FTCDNL1: variants seen among roughly 807,000 people sequenced by gnomAD.
FTCDNL1 encodes the protein formiminotransferase cyclodeaminase N-terminal like.
FTCDNL1 carries 11 observed loss-of-function variants against 5.9 expected under a neutral mutation model. The observed-to-expected ratio is 1.87, with a 90% CI of 1.18 to 3.10. The LOEUF (loss-of-function observed/expected upper bound fraction) is 3.10, where lower values mean the gene tolerates loss of function less well. FTCDNL1 is among the 30% of genes most tolerant of loss of function. The pLI is 0.00. For synonymous variants in FTCDNL1, 58 were observed against 24.8 expected (o/e 2.34, Z -3.99); for missense variants, 115 against 65.5 (o/e 1.76, Z -2.61).
chr2:199,678,286 G>A, the FTCDNL1 span, among the ~76,000 whole-genome samples: 1 of 152,128 alleles, frequency 6.6e-6, no homozygotes, highest in Non-Finnish European at 1.5e-5. Flanking sequence ...TATTCATAAT[G>A]AAAGTCCATT....
chr2:199,666,673 T>C, the FTCDNL1 span, among the ~76,000 whole-genome samples: 3 of 152,060 alleles, frequency 2.0e-5, no homozygotes, highest in Admixed American at 6.6e-5. Context: ...TCCCAGCACT[T>C]TGGGAGGCCG....
chr2:199,771,963 A>T (rs886599796), intron 3 of FTCDNL1, among the ~76,000 whole-genome samples: 1 of 152,250 alleles, frequency 6.6e-6, no homozygotes, highest in Non-Finnish European at 1.5e-5. Context: ...TATAAATTAG[A>T]TACAGTGAGA....
intron 3 of FTCDNL1, among the ~76,000 whole-genome samples, chr2:199,823,038 ATGGGTTTCACTATGT>A (rs1167254658): frequency 6.6e-6 from 1 of 152,010 alleles, no homozygotes; most frequent in Non-Finnish European, 1.5e-5. Flanking sequence ...TTTAGCAGAG[ATGGGTTTCACTATGT>A]TGGCCAGGTT....
At chr2:199,675,799 A>T in the FTCDNL1 span, among the ~76,000 whole-genome samples, 1 of 152,156 alleles carries the variant, frequency 6.6e-6, no homozygotes, top group Non-Finnish European at 1.5e-5. Flanking sequence ...TTTATTGTCC[A>T]TGCTAGAGTA....
At chr2:199,686,960 T>C in the FTCDNL1 span, among the ~76,000 whole-genome samples, 1 of 152,214 alleles carries the variant, frequency 6.6e-6, no homozygotes, top group African/African-American at 2.4e-5. Context: ...TCAGTGGATT[T>C]ACCTCTAAGT....
chr2:199,758,963 G>A (rs1206715853), downstream of FTCDNL1, among the ~76,000 whole-genome samples: 2 of 152,122 alleles, frequency 1.3e-5, no homozygotes, highest in Admixed American at 1.3e-4. Flanking sequence ...TAAAAGAATG[G>A]GGTAGATATG....
At chr2:199,735,117 A>AAAAAAAAG in the FTCDNL1 span, among the ~76,000 whole-genome samples, 1 of 112,780 alleles carries the variant, frequency 8.9e-6, no homozygotes, top group African/African-American at 2.8e-5. Flanking sequence ...TACCTTTAGA[A>AAAAAAAAG]AAAAAAAAAA....
At chr2:199,708,592 CTT>C in the FTCDNL1 span, among the ~76,000 whole-genome samples, 1 of 152,064 alleles carries the variant, frequency 6.6e-6, no homozygotes, top group African/African-American at 2.4e-5. Context: ...TGTTCTCAGT[CTT>C]TGTTATGTAG....
chr2:199,805,920 A>G (rs75544476), downstream of FTCDNL1, among the ~76,000 whole-genome samples: 2 of 144,160 alleles, frequency 1.4e-5, no homozygotes, highest in Admixed American at 1.4e-4. Context: ...CCTTGTCTTG[A>G]AAAAAAAAAA....
chr2:199,816,369 T>C (rs1359005556), intron 4 of FTCDNL1, among the ~76,000 whole-genome samples: 2 of 152,162 alleles, frequency 1.3e-5, no homozygotes, highest in East Asian at 3.9e-4. Flanking sequence ...TTTCCCTTCT[T>C]ATCATGAATA....
At chr2:199,796,375 C>T (rs1200894853) in intron 3 of FTCDNL1, among the ~76,000 whole-genome samples, 2 of 152,122 alleles carry the variant, frequency 1.3e-5, no homozygotes, top group African/African-American at 4.8e-5. Context: ...CATCAAAATA[C>T]ACACATCCAA....
the FTCDNL1 span, among the ~76,000 whole-genome samples, chr2:199,724,436 G>A: frequency 6.6e-6 from 1 of 151,982 alleles, no homozygotes. Flanking sequence ...TTTGGGGTCT[G>A]TTTGCTCTTG....
At chr2:199,733,059 G>C in the FTCDNL1 span, among the ~76,000 whole-genome samples, 10 of 152,302 alleles carry the variant, frequency 6.6e-5, no homozygotes, top group South Asian at 8.3e-4. Context: ...CAGCTGACAG[G>C]TACAGACTAT....
chr2:199,680,087 C>T, the FTCDNL1 span, among the ~76,000 whole-genome samples: 1 of 151,908 alleles, frequency 6.6e-6, no homozygotes, highest in Non-Finnish European at 1.5e-5. Context: ...GTAAAAAGGC[C>T]AGAACAATAG....
chr2:199,672,306 T>C, the FTCDNL1 span, among the ~76,000 whole-genome samples: 3 of 152,172 alleles, frequency 2.0e-5, no homozygotes, highest in Non-Finnish European at 4.4e-5. Context: ...TAATCAGGGA[T>C]ATACACAAAA....
chr2:199,793,485 A>G (rs925350538), intron 3 of FTCDNL1, among the ~76,000 whole-genome samples: 1 of 152,160 alleles, frequency 6.6e-6, no homozygotes, highest in Non-Finnish European at 1.5e-5. Flanking sequence ...AAAGGAATAA[A>G]AGTATTTTGA....
At chr2:199,785,249 CTTTT>C in intron 3 of FTCDNL1, among the ~76,000 whole-genome samples, 1 of 76,864 alleles carries the variant, frequency 1.3e-5, no homozygotes, top group Non-Finnish European at 2.2e-5. Context: ...TTCCAAATTC[CTTTT>C]TTTTTTTTTT....
chr2:199,819,848 T>C (rs1434215291), intron 3 of FTCDNL1, 91 bp from the exon 4 acceptor site: 14 of 636,852 alleles, frequency 2.2e-5, no homozygotes, highest in South Asian at 1.6e-4. Flanking sequence ...TGGTAAAACA[T>C]ATTTAACATA....
intron 4 of FTCDNL1, among the ~76,000 whole-genome samples, chr2:199,813,742 C>T (rs1270804855): frequency 6.6e-6 from 1 of 151,834 alleles, no homozygotes; most frequent in Admixed American, 6.6e-5. Flanking sequence ...GAAACCCCGT[C>T]TCTACTGAAA....
Sources: allele counts gnomAD v4.1 joint callset (sites outside exome capture counted in the v4.1 genomes callset), GRCh38; gene constraint gnomAD v4.1.1; transcripts MANE v1.5; gene names NCBI Gene and HGNC (gene_info 2026-07-23, HGNC 2026-07-21).